KATNAL1: variants seen among roughly 807,000 people sequenced by gnomAD.
The protein encoded by KATNAL1 is katanin catalytic subunit A1 like 1.
In KATNAL1, 32 loss-of-function variants were observed where a neutral mutation model predicts 55.2. That is an observed-to-expected ratio of 0.58 (90% confidence interval 0.44 to 0.78). The LOEUF is 0.78. Among genes scored for constraint, KATNAL1 ranks in the 30% least tolerant of loss-of-function variants. The pLI, the probability that KATNAL1 is intolerant of heterozygous loss-of-function variation, is 0.00. For missense variants in KATNAL1, 466 were observed against 600.9 expected, an observed-to-expected ratio of 0.78 and a Z score of 2.35; for synonymous variants, 193 against 193.6, an observed-to-expected ratio of 1.00 and a Z score of 0.02.
Position 30,307,394 on chromosome 13 carries a change from G to GCC in KATNAL1, c.-79_-78insGG, listed in dbSNP as rs1883250863. On this transcript the variant is annotated 5_prime_UTR_variant, in exon 1 of 11. Coordinates refer to ENST00000380615, the MANE Select transcript of KATNAL1 (RefSeq NM_032116.5). ...CCAGATGGGGTGCGGGTGGGGCGCA[G>GCC]GCCGCCGCCGCCGCCGCCGCCGAGT... is the stretch of plus-strand genomic sequence containing the variant. 2.6e-5 allele frequency: 4 copies of GCC among 154,778 alleles called. No homozygotes were observed. The highest frequency in any genetic ancestry group is 5.7e-5 in the Non-Finnish European group (4 of 69,878). 9.6% of individuals were successfully genotyped at this position (154,778 alleles called of 1,614,324 possible).
At chr13:30,249,016 G>A (rs1275328927) in intron 4 of KATNAL1, among the ~76,000 whole-genome samples, 1 of 150,188 alleles carries the variant, frequency 6.7e-6, no homozygotes. Context: ...CCCAGATGGT[G>A]CCACTGCACT....
intron 4 of KATNAL1, among the ~76,000 whole-genome samples, chr13:30,244,436 T>TA (rs1877581444): frequency 6.6e-6 from 1 of 152,214 alleles, no homozygotes; most frequent in Non-Finnish European, 1.5e-5. Context: ...TTTGGGTATA[T>TA]ACCCTGTAAT....
At chr13:30,235,218 C>T (rs1213598078) in intron 6 of KATNAL1, among the ~76,000 whole-genome samples, 1 of 152,228 alleles carries the variant, frequency 6.6e-6, no homozygotes, top group Non-Finnish European at 1.5e-5. Context: ...TTATTTGGCT[C>T]ACAGTTCTGC....
rs559157621 is a variant in KATNAL1, at chr13:30,276,891, C to T, written c.323+3172G>A. On this transcript the variant is annotated intron_variant, in intron 3 of 10. Coordinates refer to ENST00000380615, the MANE Select transcript of KATNAL1 (RefSeq NM_032116.5). ...CTTTGGAAAAATTACAAACTATAAG[C>T]TTCAGTTTCCTCTACTGTAAATGGG... Among the ~76,000 whole-genome samples the T allele has an allele frequency of 9.9e-5, 15 of 152,256 alleles. No homozygotes were observed. The South Asian group carries it at 2.9e-3, about 29-fold the overall frequency.
At chr13:30,288,289 C>T (rs1340193764) in intron 1 of KATNAL1, among the ~76,000 whole-genome samples, 2 of 152,228 alleles carry the variant, frequency 1.3e-5, no homozygotes, top group Non-Finnish European at 2.9e-5. Flanking sequence ...TTAGTATTTA[C>T]GTGCCATTAT....
At position 30,210,406 on chromosome 13, in the gene KATNAL1, C is replaced by T. The variant is rs749819072; in HGVS notation, c.1184G>A (p.Arg395His). 6.9e-5 allele frequency: 110 copies of T among 1,605,422 alleles called. No individual in the cohort carries two copies. Among genetic ancestry groups the T allele is most frequent in the East Asian group, 1.1e-4 (5 of 43,918 alleles). The change falls in exon 10 of 11, where the codon CGT becomes CAT. Residue 395 changes from arginine to histidine, a missense_variant. Coordinates refer to ENST00000380615, the MANE Select transcript of KATNAL1 (RefSeq NM_032116.5). ...GRAELLKINLREVELDPDIQL... is the reference protein window; with the variant it reads ...GRAELLKINLHEVELDPDIQL... ...AATATCAGGATCTAATTCGACCTCA[C>T]GAAGGTTGATCTTCAGAAGCTCAGC... is the stretch of plus-strand genomic sequence containing the variant.
intron 4 of KATNAL1, among the ~76,000 whole-genome samples, chr13:30,248,741 G>A (rs1235471681): frequency 2.6e-5 from 4 of 151,552 alleles, no homozygotes; most frequent in Non-Finnish European, 4.4e-5. Flanking sequence ...CCTGGCCAAC[G>A]TGGTGAAACC....
chr13:30,242,896 A>G (rs983829508), intron 4 of KATNAL1, among the ~76,000 whole-genome samples: 2 of 152,224 alleles, frequency 1.3e-5, no homozygotes, highest in Non-Finnish European at 2.9e-5. Context: ...ATGCCAGGAA[A>G]TCAGTAAAAT....
At chr13:30,273,020 C>T (rs1044664874) in intron 3 of KATNAL1, among the ~76,000 whole-genome samples, 2 of 152,218 alleles carry the variant, frequency 1.3e-5, no homozygotes, top group Admixed American at 6.6e-5. Context: ...TGCCCATGCA[C>T]TCCCTCTACA....
At chr13:30,295,010 T>C (rs951855459) in intron 1 of KATNAL1, among the ~76,000 whole-genome samples, 10 of 152,324 alleles carry the variant, frequency 6.6e-5, no homozygotes, top group Admixed American at 2.0e-4. Context: ...TTTAAAAATA[T>C]TGCCACTCAC....
chr13:30,242,913 C>T (rs990517777), intron 4 of KATNAL1, among the ~76,000 whole-genome samples: 1 of 152,122 alleles, frequency 6.6e-6, no homozygotes, highest in Non-Finnish European at 1.5e-5. Context: ...AAATGGGTGA[C>T]AGTTATTCTT....
At chr13:30,280,688 A>C (rs1010786046) in intron 2 of KATNAL1, among the ~76,000 whole-genome samples, 12 of 152,230 alleles carry the variant, frequency 7.9e-5, no homozygotes, top group African/African-American at 2.9e-4. Context: ...AGCTAGAAGC[A>C]GTATTATACT....
intron 3 of KATNAL1, among the ~76,000 whole-genome samples, chr13:30,278,301 G>A (rs1881019119): frequency 6.6e-6 from 1 of 151,686 alleles, no homozygotes; most frequent in African/African-American, 2.4e-5. Flanking sequence ...ACATACAATG[G>A]CTATGCACAA....
chr13:30,215,596 T>TA (rs572290365), intron 9 of KATNAL1, among the ~76,000 whole-genome samples: 1 of 152,126 alleles, frequency 6.6e-6, no homozygotes, highest in Admixed American at 6.5e-5. Flanking sequence ...TATGCAGCCA[T>TA]AAAAAATGAT....
intron 9 of KATNAL1, among the ~76,000 whole-genome samples, chr13:30,214,812 T>C (rs1874049035): frequency 6.6e-6 from 1 of 151,508 alleles, no homozygotes; most frequent in African/African-American, 2.4e-5. Context: ...CCTAAAACCA[T>C]AAAAACCCTA....
At chr13:30,255,420 G>C (rs771068770) in intron 4 of KATNAL1, 27 bp downstream of exon 4, 2 of 1,446,882 alleles carry the variant, frequency 1.4e-6, no homozygotes, top group African/African-American at 2.9e-5. Context: ...CTTCAAGTGA[G>C]TGAATTACAG....
intron 3 of KATNAL1, among the ~76,000 whole-genome samples, chr13:30,268,934 A>C (rs1476683214): frequency 6.6e-6 from 1 of 152,218 alleles, no homozygotes; most frequent in Non-Finnish European, 1.5e-5. Flanking sequence ...AAACAAATAA[A>C]AGGCCCTGAC....
chr13:30,231,783 A>G (rs957380955), intron 6 of KATNAL1, among the ~76,000 whole-genome samples: 3 of 152,212 alleles, frequency 2.0e-5, no homozygotes, highest in African/African-American at 7.2e-5. Flanking sequence ...TACATATAAT[A>G]TTCAGCACTG....
intron 1 of KATNAL1, among the ~76,000 whole-genome samples, chr13:30,306,040 G>C (rs1593197319): frequency 6.6e-6 from 1 of 150,962 alleles, no homozygotes; most frequent in Non-Finnish European, 1.5e-5. Context: ...TATAGGATTT[G>C]TGGTCTTTTT....
Sources: gnomAD v4.1 joint callset for allele counts (sites outside exome capture counted in the v4.1 genomes callset) on GRCh38, gnomAD v4.1.1 for gene constraint, MANE v1.5 for transcripts, NCBI Gene and HGNC (gene_info 2026-07-23, HGNC 2026-07-21) for gene names.